Variants in HMGB1 observed in about 807,000 individuals in gnomAD.
HMGB1 encodes the protein high mobility group box 1.
For synonymous variants in HMGB1, 81 were observed against 84.0 expected, an observed-to-expected ratio of 0.96 and a Z score of 0.19; for missense variants, 79 against 253.5, an observed-to-expected ratio of 0.31 and a Z score of 4.67.
intron 1 of HMGB1, chr13:30,554,049 T>C: frequency 6.4e-6 from 9 of 1,411,358 alleles, no homozygotes; most frequent in Non-Finnish European, 8.0e-6. Context: ...TGCGCAGTAC[T>C]GGCCAACAGA....
intron 1 of HMGB1, among the ~76,000 whole-genome samples, chr13:30,593,528 C>T (rs182232541): frequency 6.6e-6 from 1 of 152,210 alleles, no homozygotes; most frequent in Admixed American, 6.5e-5. Context: ...TTTTGAAAAC[C>T]CAGTTGTCGA....
intron 4 of HMGB1, 51 bp from the exon 5 acceptor site, chr13:30,461,584 G>T (rs751151467): frequency 6.4e-7 from 1 of 1,567,636 alleles, no homozygotes; most frequent in Non-Finnish European, 8.7e-7. Context: ...AAACATTAAG[G>T]AAAGAAATAG....
rs1566018842 is a variant in HMGB1, at chr13:30,538,540, T to TCTTTCTTTC, written c.-14-74855_-14-74847dup. On this transcript the variant is annotated intron_variant, in intron 1 of 4. Coordinates refer to the HMGB1 transcript ENST00000405805. Reference sequence around the variant, plus strand: ...CTTTCTTTCCTTTCTTTCTTTCCTTTCTTTCTTTCTTTCTTTTTCTTTCTT... The same window carrying TCTTTCTTTC: ...CTTTCTTTCCTTTCTTTCTTTCCTTTCTTTCTTTCCTTTCTTTCTTTCTTTTTCTTTCTT... 9.4e-4 allele frequency among the ~76,000 whole-genome samples: 101 copies of TCTTTCTTTC among 107,468 alleles called. 10 individuals carry two copies. The highest frequency in any genetic ancestry group is 1.3e-3 in the South Asian group (5 of 3,704). 70.5% of individuals were successfully genotyped at this position (107,468 alleles called of 152,430 possible).
intron 1 of HMGB1, among the ~76,000 whole-genome samples, chr13:30,531,285 G>A (rs1888486954): frequency 6.6e-6 from 1 of 152,082 alleles, no homozygotes; most frequent in Non-Finnish European, 1.5e-5. Context: ...CAGGTGCCCC[G>A]AGCCTGCTGA....
chr13:30,474,951 C>CTTTTTTTTTTTTTTTTTTTTTTTT (rs1887041427), intron 1 of HMGB1, among the ~76,000 whole-genome samples: 1 of 28,092 alleles, frequency 3.6e-5, no homozygotes, highest in Non-Finnish European at 6.5e-5. Flanking sequence ...TTTTTCTTTT[C>CTTTTTTTTTTTTTTTTTTTTTTTT]TTTTTTTGTT....
intron 1 of HMGB1, among the ~76,000 whole-genome samples, chr13:30,599,979 C>T (rs138977145): frequency 1.4e-3 from 211 of 152,240 alleles, no homozygotes; most frequent in African/African-American, 4.9e-3. Context: ...GCATGATGAT[C>T]TGAATTTATT....
chr13:30,482,112 T>G (rs960358070), intron 1 of HMGB1, among the ~76,000 whole-genome samples: 1 of 152,214 alleles, frequency 6.6e-6, no homozygotes, highest in Non-Finnish European at 1.5e-5. Context: ...TGTGCTACTG[T>G]AGACACATAT....
Position 30,539,976 on chromosome 13 carries a change from G to A in HMGB1, c.-14-76282C>T, listed in dbSNP as rs141155474. ...AGCAGCCATGTCTGTAGCCTGCCTT[G>A]TGGAAAACTGGGTGAAAGCACCCTG... On this transcript the variant is annotated intron_variant, in intron 1 of 4. Transcript: ENST00000405805. The A allele has an allele frequency of 2.3e-3, 371 of 158,866 alleles. 1 individual carries two copies. The Middle Eastern group carries it at 0.026, about 11-fold the overall frequency. 9.8% of individuals were successfully genotyped at this position (158,866 alleles called of 1,614,324 possible).
Position 30,459,102 on chromosome 13 carries a change from G to C in HMGB1, c.*2255C>G, listed in dbSNP as rs1271641389. 1.3e-5 allele frequency: 2 copies of C among 152,092 alleles called. No homozygotes were observed. Among genetic ancestry groups the C allele is most frequent in the African/African-American group, 4.8e-5 (2 of 41,408 alleles). 9.4% of individuals were successfully genotyped at this position (152,092 alleles called of 1,614,324 possible). A position where few individuals can be genotyped will look rare whatever the true frequency, so the allele number is the denominator to read the frequency against. ...CAAAGTCTTTAAACCCCACAGCACT[G>C]TAACTATCTTGGCATTAAAATAGTT... is the stretch of plus-strand genomic sequence containing the variant. On this transcript the variant is annotated 3_prime_UTR_variant, in exon 5 of 5. Coordinates refer to ENST00000341423, the MANE Select transcript of HMGB1 (RefSeq NM_002128.7).
At chr13:30,503,020 A>G (rs1418780902) in intron 1 of HMGB1, among the ~76,000 whole-genome samples, 1 of 152,016 alleles carries the variant, frequency 6.6e-6, no homozygotes, top group African/African-American at 2.4e-5. Flanking sequence ...GAGGTGAAGG[A>G]GAGGGATACA....
intron 1 of HMGB1, chr13:30,542,522 G>C (rs1421179252): frequency 6.4e-6 from 1 of 155,704 alleles, no homozygotes; most frequent in Admixed American, 6.5e-5. Context: ...CGGGCGCTAG[G>C]CACCTGCTTC....
chr13:30,582,840 C>A (rs1244277952), intron 1 of HMGB1, among the ~76,000 whole-genome samples: 1 of 152,132 alleles, frequency 6.6e-6, no homozygotes, highest in Non-Finnish European at 1.5e-5. Context: ...CCATCAGCAC[C>A]CCACATCCAA....
chr13:30,583,954 A>G (rs1871029993), intron 1 of HMGB1, among the ~76,000 whole-genome samples: 2 of 152,004 alleles, frequency 1.3e-5, no homozygotes, highest in Non-Finnish European at 2.9e-5. Context: ...CCAGTGAGCT[A>G]TGACAGCACC....
chr13:30,552,426 A>G lies in HMGB1; in HGVS notation c.-15+64245T>C, dbSNP rs146674381. On this transcript the variant is annotated intron_variant, in intron 1 of 4. Coordinates refer to the HMGB1 transcript ENST00000405805. ...ATTTGAATATAGAGTTGATGCTCATATTTCTCCTCAGTTGGCTGACTTCTA... is the reference window on the plus strand; with the variant it reads ...ATTTGAATATAGAGTTGATGCTCATGTTTCTCCTCAGTTGGCTGACTTCTA... 6.4e-3 allele frequency among the ~76,000 whole-genome samples: 970 copies of G among 152,242 alleles called. 10 individuals are homozygous for G. The highest frequency in any genetic ancestry group is 0.022 in the African/African-American group (914 of 41,518).
chr13:30,584,499 T>A (rs1482966207), intron 1 of HMGB1, among the ~76,000 whole-genome samples: 1 of 152,224 alleles, frequency 6.6e-6, no homozygotes, highest in Non-Finnish European at 1.5e-5. Flanking sequence ...CCTCCTAAAA[T>A]GTCAGCATTC....
Position 30,559,223 on chromosome 13 carries a change from C to T in HMGB1, c.-15+57448G>A, listed in dbSNP as rs4769849. 2.6e-5 allele frequency among the ~76,000 whole-genome samples: 4 copies of T among 151,832 alleles called. No homozygotes were observed. The highest frequency in any genetic ancestry group is 2.9e-5 in the Non-Finnish European group (2 of 67,966). On this transcript the variant is annotated intron_variant, in intron 1 of 4. Coordinates refer to the HMGB1 transcript ENST00000405805. The surrounding 1 kb of genome is among the most constrained non-coding windows in gnomAD (Gnocchi z 6.6). Reference sequence around the variant, plus strand: ...CCTTAGATCATTCCTTACCAAGGTACGTTAGGCACTGGCCTCACTCCAAGG... The same window carrying T: ...CCTTAGATCATTCCTTACCAAGGTATGTTAGGCACTGGCCTCACTCCAAGG...
At chr13:30,522,380 A>G (rs1427847869) in intron 1 of HMGB1, among the ~76,000 whole-genome samples, 2 of 152,164 alleles carry the variant, frequency 1.3e-5, no homozygotes, top group Non-Finnish European at 2.9e-5. Flanking sequence ...TTGGGATTAT[A>G]GGTGTGAGCC....
intron 1 of HMGB1, among the ~76,000 whole-genome samples, chr13:30,544,170 G>A (rs368826628): frequency 3.3e-5 from 5 of 152,352 alleles, no homozygotes; most frequent in African/African-American, 1.2e-4. Flanking sequence ...GCAAGTCAGA[G>A]GTTCTGAACC....
chr13:30,554,606 T>G (rs1485778426), intron 1 of HMGB1: 9 of 771,466 alleles, frequency 1.2e-5, no homozygotes, highest in Non-Finnish European at 1.9e-5. Flanking sequence ...GACTGAAAAA[T>G]ACAATGGGAA....
Sources: gnomAD v4.1 joint callset for allele counts (sites outside exome capture counted in the v4.1 genomes callset) on GRCh38, gnomAD v4.1.1 for gene constraint, Gnocchi (gnomAD v3.1) non-coding constraint, MANE v1.5 for transcripts, NCBI Gene and HGNC (gene_info 2026-07-23, HGNC 2026-07-21) for gene names.